Variants in HECTD4 observed in about 807,000 individuals in gnomAD.
The protein encoded by HECTD4 is probable E3 ubiquitin-protein ligase HECTD4.
Under a neutral mutation model 471.5 loss-of-function variants are expected in HECTD4, and 114 were observed. That is an observed-to-expected ratio of 0.24 (90% confidence interval 0.21 to 0.28). The LOEUF is 0.28. Among genes scored for constraint, HECTD4 ranks in the 10% least tolerant of loss-of-function variants. The pLI is 1.00. For missense variants in HECTD4, 3,866 were observed against 5,651.5 expected, an observed-to-expected ratio of 0.68 and a Z score of 10.13; for synonymous variants, 2,012 against 2,256.0, an observed-to-expected ratio of 0.89 and a Z score of 3.07.
intron 6 of HECTD4, 150 bp from the exon 7 acceptor site, chr12:112,306,384 A>G: frequency 1.6e-6 from 1 of 634,298 alleles, no homozygotes. Context: ...TAATAATAAC[A>G]TACACAAATT....
rs1369837000 is a variant in HECTD4, at chr12:112,193,171, G to A, written c.8976C>T (p.Pro2992=). 1 of 1,613,960 alleles carries A rather than the reference G, an allele frequency of 6.2e-7. No homozygotes were observed. Among genetic ancestry groups the A allele is most frequent in the South Asian group, 1.1e-5 (1 of 91,058 alleles). ...ATTCGGAAATTGGGAACTCTTCGGA[G>A]GGGAACTGCTCTGGTGCTGTCTGCA... ...SFLQTAPEQF[P]SEEFPISESK... Residue 2992 remains proline, a synonymous_variant, in exon 58 of 76, where the codon CCC becomes CCT. Coordinates refer to ENST00000682272, the MANE Select transcript of HECTD4 (RefSeq NM_001388303.1). The surrounding 1 kb of genome is among the most constrained non-coding windows in gnomAD (Gnocchi z 5.2).
intron 7 of HECTD4, among the ~76,000 whole-genome samples, chr12:112,284,857 G>A (rs1253824915): frequency 1.3e-5 from 2 of 152,140 alleles, no homozygotes; most frequent in East Asian, 1.9e-4. Flanking sequence ...TTGAGACAGG[G>A]TCTTGCTCTG....
At position 112,252,545 on chromosome 12, in the gene HECTD4, G is replaced by C; in HGVS notation, c.3448-17C>G. 6.3e-7 allele frequency: 1 copy of C among 1,599,374 alleles called. No individual in the cohort carries two copies. Reference sequence around the variant, plus strand: ...TCCTTCCACCTTAAAATTTAAGGAAGGGGGGGAAATGCACTTTAAAAACAA... The same window carrying C: ...TCCTTCCACCTTAAAATTTAAGGAACGGGGGGAAATGCACTTTAAAAACAA... On this transcript the variant is annotated splice_polypyrimidine_tract_variant and intron_variant, in intron 22 of 75. Coordinates refer to ENST00000682272, the MANE Select transcript of HECTD4 (RefSeq NM_001388303.1).
intron 7 of HECTD4, among the ~76,000 whole-genome samples, chr12:112,287,983 C>T (rs1402516453): frequency 2.0e-5 from 3 of 151,690 alleles, no homozygotes; most frequent in Non-Finnish European, 2.9e-5. Context: ...GTATAGTCCC[C>T]GTCCAAGTCT....
At chr12:112,204,369 A>C in intron 53 of HECTD4, 117 bp downstream of exon 53, 2 of 1,008,360 alleles carry the variant, frequency 2.0e-6, no homozygotes, top group Non-Finnish European at 1.5e-6. Context: ...AGGTTAGCCC[A>C]GTCGGAGTAA....
intron 38 of HECTD4, among the ~76,000 whole-genome samples, chr12:112,232,782 A>G (rs1457241075): frequency 6.6e-6 from 1 of 152,212 alleles, no homozygotes; most frequent in African/African-American, 2.4e-5. Flanking sequence ...AAGAGCTAAG[A>G]AAAAATTTCT....
At chr12:112,200,577 A>G in intron 55 of HECTD4, 61 bp downstream of exon 55, 1 of 1,541,280 alleles carries the variant, frequency 6.5e-7, no homozygotes, top group Non-Finnish European at 8.9e-7. Context: ...TACATGGTAC[A>G]TGTGGTAGAG....
rs559993549 is a variant in HECTD4, at chr12:112,371,468, G to A, written c.177+10484C>T. Among the ~76,000 whole-genome samples, 9 of 152,216 alleles carry A rather than the reference G, an allele frequency of 5.9e-5. No individual in the cohort carries two copies. The South Asian group carries it at 6.2e-4, about 11-fold the overall frequency. On this transcript the variant is annotated intron_variant, in intron 1 of 75. Transcript: ENST00000682272. ...CACATGCCTGTAATCTCAGCTACTTGGGAGGCCGAGGCAGAAGAATAGCTT... is the reference window on the plus strand; with the variant it reads ...CACATGCCTGTAATCTCAGCTACTTAGGAGGCCGAGGCAGAAGAATAGCTT...
intron 1 of HECTD4, among the ~76,000 whole-genome samples, chr12:112,348,842 G>A (rs1359994377): frequency 6.6e-6 from 1 of 152,140 alleles, no homozygotes; most frequent in Non-Finnish European, 1.5e-5. Context: ...ACCTATGTAT[G>A]TATATATACT....
intron 24 of HECTD4, 49 bp downstream of exon 24, chr12:112,250,922 C>T (rs1490748257): frequency 6.5e-7 from 1 of 1,530,890 alleles, no homozygotes; most frequent in South Asian, 1.3e-5. Context: ...CACATAAAGT[C>T]CTTTTTCCTT....
chr12:112,251,276 A>G (rs912139189), intron 23 of HECTD4, 142 bp from the exon 24 acceptor site: 104 of 691,800 alleles, frequency 1.5e-4, no homozygotes, highest in Non-Finnish European at 2.1e-4. Context: ...ACACAGGTAC[A>G]GCACCCAAAT....
intron 5 of HECTD4, 41 bp from the exon 6 acceptor site, chr12:112,308,932 T>A (rs1186396349): frequency 1.3e-6 from 2 of 1,521,700 alleles, no homozygotes; most frequent in Admixed American, 4.2e-5. Context: ...CACCTGGCTA[T>A]GTCAGAAACC....
chr12:112,264,302 G>A, intron 16 of HECTD4, 90 bp from the exon 17 acceptor site: 1 of 1,231,234 alleles, frequency 8.1e-7, no homozygotes, highest in South Asian at 2.4e-5. Flanking sequence ...TTTTGACAAA[G>A]AAAACAAAAA....
chr12:112,367,069 A>G (rs1447891934), intron 1 of HECTD4, among the ~76,000 whole-genome samples: 2 of 151,304 alleles, frequency 1.3e-5, no homozygotes, highest in Non-Finnish European at 2.9e-5. Flanking sequence ...TGGGAAGCCG[A>G]GGCAAGCAGA....
intron 67 of HECTD4, 192 bp from the exon 68 acceptor site, chr12:112,171,455 G>A: frequency 1.2e-6 from 1 of 854,180 alleles, no homozygotes; most frequent in South Asian, 1.8e-5. Flanking sequence ...CAAAGGGCGA[G>A]GGCCTGGCTG....
At chr12:112,324,484 C>G (rs1466701217) in intron 1 of HECTD4, among the ~76,000 whole-genome samples, 1 of 151,988 alleles carries the variant, frequency 6.6e-6, no homozygotes, top group Non-Finnish European at 1.5e-5. Context: ...CCTTCACCAT[C>G]AAGTAATATA....
chr12:112,316,834 A>G (rs1006355110), intron 2 of HECTD4, among the ~76,000 whole-genome samples: 1 of 152,064 alleles, frequency 6.6e-6, no homozygotes, highest in Non-Finnish European at 1.5e-5. Flanking sequence ...GATATTGGCA[A>G]TAAAATGTAG....
chr12:112,250,655 A>C (rs570321710), intron 24 of HECTD4, among the ~76,000 whole-genome samples: 28 of 152,330 alleles, frequency 1.8e-4, no homozygotes, highest in Admixed American at 5.2e-4. Context: ...ACTTGTCTAG[A>C]TTGTACAATA....
At chr12:112,254,633 A>C (rs2033968373) in intron 21 of HECTD4, among the ~76,000 whole-genome samples, 2 of 152,236 alleles carry the variant, frequency 1.3e-5, no homozygotes. Context: ...GCACCAAAAA[A>C]AATCAATGAA....
Sources: allele counts gnomAD v4.1 joint callset (sites outside exome capture counted in the v4.1 genomes callset), GRCh38; gene constraint gnomAD v4.1.1; non-coding constraint Gnocchi (gnomAD v3.1); transcripts MANE v1.5; gene names NCBI Gene and HGNC (gene_info 2026-07-23, HGNC 2026-07-21).